EMILIN2: variants seen among roughly 807,000 people sequenced by gnomAD.
EMILIN2 encodes elastin microfibril interfacer 2, also known as EMILIN-2.
Under a neutral mutation model 87.1 loss-of-function variants are expected in EMILIN2, and 71 were observed. The ratio of observed to expected loss-of-function variants is 0.82; its 90% CI spans 0.67 to 0.99. The LOEUF (loss-of-function observed/expected upper bound fraction) is 0.99, where lower values mean the gene tolerates loss of function less well. Ranked by LOEUF, EMILIN2 falls within the 50% of genes least tolerant of loss-of-function variation. The probability of loss-of-function intolerance (pLI) is 0.00; values close to 1 mark genes in which losing one functional copy is unlikely to be tolerated. For synonymous variants in EMILIN2, 581 were observed against 563.4 expected (o/e 1.03, Z -0.44); for missense variants, 1,407 against 1,371.8 (o/e 1.03, Z -0.40).
intron 4 of EMILIN2, chr18:2,906,504 A>C: frequency 3.2e-6 from 1 of 315,166 alleles, no homozygotes. Context: ...TGCCGGAGCC[A>C]AGAGTGAGGC....
At chr18:2,913,003 T>C in intron 7 of EMILIN2, 64 bp from the exon 8 acceptor site, 1 of 1,559,038 alleles carries the variant, frequency 6.4e-7, no homozygotes, top group South Asian at 1.1e-5. Flanking sequence ...GGGGGGCCAC[T>C]TACTACCATG....
At chr18:2,900,551 C>T (rs2076883898) in intron 4 of EMILIN2, among the ~76,000 whole-genome samples, 1 of 152,210 alleles carries the variant, frequency 6.6e-6, no homozygotes. Flanking sequence ...GCATGTTTGC[C>T]TTCTCAGCCC....
intron 4 of EMILIN2, among the ~76,000 whole-genome samples, chr18:2,905,782 T>G (rs1258761076): frequency 7.0e-5 from 4 of 57,176 alleles, no homozygotes; most frequent in East Asian, 4.3e-4. Context: ...TTTGTTTTTT[T>G]GTTTTTTTTT....
In EMILIN2 at chr18:2,894,673, T is replaced by A. The variant is rs2076855292; in HGVS notation, c.2359+2187T>A. 6.6e-6 allele frequency among the ~76,000 whole-genome samples: 1 copy of A among 152,194 alleles called. No individual in the cohort carries two copies. Among genetic ancestry groups the A allele is most frequent in the African/African-American group, 2.4e-5 (1 of 41,446 alleles). Reference sequence around the variant, plus strand: ...AGAGAATGTGCCATACAAAACATTATCCCTTTGGACTGAACTCATTGTGGT... The same window carrying A: ...AGAGAATGTGCCATACAAAACATTAACCCTTTGGACTGAACTCATTGTGGT... On this transcript the variant is annotated intron_variant, in intron 4 of 7. Transcript: ENST00000254528. This position sits in a 1 kb window ranked among gnomAD's most constrained non-coding sequence, Gnocchi z 5.0.
At chr18:2,859,282 C>CCACCA (rs1270559271) in intron 2 of EMILIN2, among the ~76,000 whole-genome samples, 7 of 152,034 alleles carry the variant, frequency 4.6e-5, no homozygotes, top group African/African-American at 1.7e-4. Flanking sequence ...AAGGTGGTAT[C>CCACCA]GCATTGTGGT....
intron 2 of EMILIN2, among the ~76,000 whole-genome samples, chr18:2,874,659 G>A (rs1398085243): frequency 6.6e-6 from 1 of 152,206 alleles, no homozygotes; most frequent in African/African-American, 2.4e-5. Flanking sequence ...TACTGTGTTA[G>A]CCTGGACTAT....
intron 4 of EMILIN2, among the ~76,000 whole-genome samples, chr18:2,896,308 T>C (rs1017337478): frequency 2.0e-5 from 3 of 152,080 alleles, no homozygotes; most frequent in Non-Finnish European, 4.4e-5. Flanking sequence ...CCCAAGTAGC[T>C]GGGATTACAG....
chr18:2,892,880 C>T (rs1044601239), intron 4 of EMILIN2, among the ~76,000 whole-genome samples: 11 of 148,874 alleles, frequency 7.4e-5, no homozygotes, highest in Admixed American at 4.0e-4. Context: ...GGCGAAAATC[C>T]GTCCCTACTA....
intron 2 of EMILIN2, among the ~76,000 whole-genome samples, chr18:2,868,081 A>G (rs1299816561): frequency 2.0e-5 from 3 of 151,376 alleles, no homozygotes; most frequent in Non-Finnish European, 4.4e-5. Flanking sequence ...CACTTCTCAG[A>G]TGGAGCGGCT....
rs777324557 is a variant in EMILIN2, at chr18:2,890,663, T to G, written c.536T>G (p.Leu179Arg). The G allele has an allele frequency of 9.3e-6, 15 of 1,613,800 alleles. No individual in the cohort carries two copies. The highest frequency in any genetic ancestry group is 1.3e-5 in the African/African-American group (1 of 74,902). ...GATCCAAAAGAGGGGCCTCAGGAAC[T>G]TCAGGAAAAGAAGATACAGGTGCTA... ...GVDPKEGPQE[L>R]QEKKIQVLEE... The change falls in exon 4 of 8, where the codon CTT (leucine) becomes CGT (arginine). Residue 179 changes from leucine to arginine, a missense_variant. Leu to Arg is a moderately radical substitution (Grantham distance 102, BLOSUM62 -2). Coordinates refer to ENST00000254528, the MANE Select transcript of EMILIN2 (RefSeq NM_032048.3). This position sits in a 1 kb window ranked among gnomAD's most constrained non-coding sequence, Gnocchi z 4.7.
At chr18:2,860,268 G>C (rs909964023) in intron 2 of EMILIN2, among the ~76,000 whole-genome samples, 1 of 151,918 alleles carries the variant, frequency 6.6e-6, no homozygotes, top group Non-Finnish European at 1.5e-5. Flanking sequence ...TTAAGTTTTA[G>C]GGTACATGTG....
rs115149234 is a variant in EMILIN2, at chr18:2,888,433, C to T, written c.434-2128C>T. On this transcript the variant is annotated intron_variant, in intron 3 of 7. Transcript: ENST00000254528. ...TCTTTAGTGTCTTAAGAGAGAATAACGGCCGGGCGCGGTGGCTCACGTCTG... is the reference window on the plus strand; with the variant it reads ...TCTTTAGTGTCTTAAGAGAGAATAATGGCCGGGCGCGGTGGCTCACGTCTG... Among the ~76,000 whole-genome samples the T allele has an allele frequency of 5.4e-3, 820 of 151,952 alleles. 7 individuals carry two copies. The highest frequency in any genetic ancestry group is 0.018 in the African/African-American group (767 of 41,460).
intron 2 of EMILIN2, 76 bp from the exon 3 acceptor site, chr18:2,884,888 C>G: frequency 6.7e-7 from 1 of 1,489,138 alleles, no homozygotes; most frequent in Non-Finnish European, 9.0e-7. Context: ...CCTGAGTCCT[C>G]TTTATTTGGG....
At chr18:2,911,929 G>A (rs1190504535) in intron 7 of EMILIN2, among the ~76,000 whole-genome samples, 2 of 146,650 alleles carry the variant, frequency 1.4e-5, no homozygotes, top group Non-Finnish European at 3.1e-5. Flanking sequence ...GAAGCATCTG[G>A]AAAGCCCTCA....
rs2076682693 is a variant in EMILIN2 at position 2,865,622 on chromosome 18, T to TG, written c.257+17697dup. 7.9e-5 allele frequency among the ~76,000 whole-genome samples: 12 copies of TG among 152,316 alleles called. 1 individual carries two copies. The South Asian group carries it at 2.3e-3, about 29-fold the overall frequency. On this transcript the variant is annotated intron_variant, in intron 2 of 7. Transcript: ENST00000254528. ...ATGTGAGGTGTGAGTCTGCCCCTAC[T>TG]GGGGGGTGCCTCCCAGTTAGGCTAC... is the stretch of plus-strand genomic sequence containing the variant.
chr18:2,889,085 A>C (rs1043745548), intron 3 of EMILIN2, among the ~76,000 whole-genome samples: 1 of 115,826 alleles, frequency 8.6e-6, no homozygotes, highest in Non-Finnish European at 1.9e-5. Flanking sequence ...CTCTTTCAGT[A>C]TTTCTTTCTT....
intron 2 of EMILIN2, among the ~76,000 whole-genome samples, chr18:2,855,747 T>G (rs1598484573): frequency 6.6e-6 from 1 of 152,282 alleles, no homozygotes; most frequent in East Asian, 1.9e-4. Context: ...GGCGAGTCAC[T>G]TAGCCCGTCT....
intron 4 of EMILIN2, among the ~76,000 whole-genome samples, chr18:2,898,161 C>A (rs537814066): frequency 1.3e-5 from 2 of 152,198 alleles, no homozygotes; most frequent in Admixed American, 1.3e-4. Context: ...TACCCCCACT[C>A]GAGTCTGAGT....
intron 2 of EMILIN2, among the ~76,000 whole-genome samples, chr18:2,874,124 C>T (rs201285254): frequency 3.6e-4 from 1 of 2,766 alleles, no homozygotes; most frequent in Non-Finnish European, 6.1e-4. Flanking sequence ...TTCCTTCTTA[C>T]CCCCGCATGG....
Sources: allele counts gnomAD v4.1 joint callset (sites outside exome capture counted in the v4.1 genomes callset), GRCh38; gene constraint gnomAD v4.1.1; non-coding constraint Gnocchi (gnomAD v3.1); transcripts MANE v1.5; gene names NCBI Gene and HGNC (gene_info 2026-07-23, HGNC 2026-07-21).